Variants in VPS13D observed in about 807,000 individuals in gnomAD.
VPS13D encodes intermembrane lipid transfer protein VPS13D.
VPS13D carries 187 observed loss-of-function variants against 461.9 expected under a neutral mutation model. That is an observed-to-expected ratio of 0.40 (90% CI 0.36 to 0.46). The LOEUF (loss-of-function observed/expected upper bound fraction) is 0.46. Among genes scored for constraint, VPS13D ranks in the 20% least tolerant of loss-of-function variants. The probability of loss-of-function intolerance (pLI) is 0.60; values close to 1 mark genes in which losing one functional copy is unlikely to be tolerated. For missense variants in VPS13D, 4,711 were observed against 5,364.9 expected (o/e 0.88, Z 3.81); for synonymous variants, 1,951 against 1,986.3 (o/e 0.98, Z 0.47).
chr1:12,388,480 A>G (rs1024741867), intron 60 of VPS13D, among the ~76,000 whole-genome samples: 2 of 152,032 alleles, frequency 1.3e-5, no homozygotes, highest in African/African-American at 2.4e-5. Context: ...AGGCTGAGAC[A>G]GGAGAATTGC....
intron 50 of VPS13D, among the ~76,000 whole-genome samples, chr1:12,361,369 ATT>A (rs1172153769): frequency 7.1e-6 from 1 of 141,842 alleles, no homozygotes; most frequent in African/African-American, 2.7e-5. Context: ...TTTTATTTTT[ATT>A]TTTATTTATT....
Position 12,318,237 on chromosome 1 carries a change from T to A in VPS13D, c.7314T>A (p.Ser2438=). ...PSRHRNSSSE[S]AIVPKTVKSG... The stretch of plus-strand genomic sequence containing the variant: ...GCCACCGTAACTCTAGCAGCGAATC[T>A]GCTATAGTTCCCAAAACTGTGAAGA... Residue 2438 remains serine (S), a synonymous_variant, in exon 31 of 70, where the codon TCT becomes TCA. Coordinates refer to ENST00000620676, the MANE Select transcript of VPS13D (RefSeq NM_015378.4). 6.2e-7 allele frequency: 1 copy of A among 1,614,228 alleles called. No individual in the cohort carries two copies. The highest frequency in any genetic ancestry group is 8.5e-7 in the Non-Finnish European group (1 of 1,180,036).
chr1:12,400,630 C>A (rs1438315764), intron 61 of VPS13D, among the ~76,000 whole-genome samples: 2 of 151,998 alleles, frequency 1.3e-5, no homozygotes, highest in African/African-American at 4.8e-5. Context: ...AGGTCAGGAC[C>A]AGGCATGATC....
intron 24 of VPS13D, among the ~76,000 whole-genome samples, chr1:12,297,849 T>G (rs1370669266): frequency 6.6e-6 from 1 of 152,212 alleles, no homozygotes; most frequent in Non-Finnish European, 1.5e-5. Context: ...TGATAATACC[T>G]AATGAGGCGG....
intron 67 of VPS13D, chr1:12,478,610 A>G (rs1570252663): frequency 2.8e-6 from 1 of 353,398 alleles, no homozygotes; most frequent in African/African-American, 2.1e-5. Flanking sequence ...GAGGTCATAA[A>G]GGAAAGCCTG....
At position 12,249,310 on chromosome 1, in the gene VPS13D, G is replaced by A. The variant is rs867317195; in HGVS notation, c.535G>A (p.Val179Met). 3 of 1,613,738 alleles carry A rather than the reference G, an allele frequency of 1.9e-6. No individual in the cohort carries two copies. Among genetic ancestry groups the A allele is most frequent in the Admixed American group, 1.7e-5 (1 of 59,928 alleles). ...TGCTTTTGGCATCTGCATTAAGAAT[G>A]TGTCCATGCAAAATGCTGTGAATGA... ...PFAFGICIKN[V>M]SMQNAVNEPV... The change falls in exon 6 of 70, where the codon GTG becomes ATG. Residue 179 changes from valine to methionine, a missense_variant. Physicochemically the swap from Val to Met is conservative, Grantham distance 21. This residue lies in a region of VPS13D where 4,411 missense variants were observed against 4,937.8 expected (regional missense o/e 0.89). Coordinates refer to ENST00000620676, the MANE Select transcript of VPS13D (RefSeq NM_015378.4).
intron 65 of VPS13D, among the ~76,000 whole-genome samples, chr1:12,451,952 G>A (rs1192928374): frequency 1.3e-5 from 2 of 152,144 alleles, no homozygotes; most frequent in Non-Finnish European, 2.9e-5. Context: ...GGGAATATTT[G>A]TATCCCCATT....
chr1:12,456,408 C>T lies in VPS13D; in HGVS notation c.12466+278C>T, dbSNP rs564006790. ...ATCCCAGCATTTTGGGAGGTCGAGG[C>T]GGGTGGATCATTTGAGGTCAGGAGT... On this transcript the variant is annotated intron_variant, in intron 66 of 69. Coordinates refer to ENST00000620676, the MANE Select transcript of VPS13D (RefSeq NM_015378.4). Among the ~76,000 whole-genome samples the T allele has an allele frequency of 2.6e-5, 4 of 151,632 alleles. No individual in the cohort carries two copies. The East Asian group carries it at 7.8e-4, about 29-fold the overall frequency.
At chr1:12,373,320 C>T (rs1057189410) in intron 54 of VPS13D, among the ~76,000 whole-genome samples, 4 of 151,648 alleles carry the variant, frequency 2.6e-5, no homozygotes, top group South Asian at 2.1e-4. Context: ...GGGATTTTGC[C>T]GTGTTGGTCA....
intron 2 of VPS13D, among the ~76,000 whole-genome samples, chr1:12,240,279 G>A (rs1640302468): frequency 6.6e-6 from 1 of 152,050 alleles, no homozygotes; most frequent in Non-Finnish European, 1.5e-5. Flanking sequence ...CTGCCTTTGT[G>A]ACAGATTTGG....
chr1:12,490,254 ATC>A (rs1645858616), intron 67 of VPS13D, among the ~76,000 whole-genome samples: 1 of 152,108 alleles, frequency 6.6e-6, no homozygotes, highest in Non-Finnish European at 1.5e-5. Context: ...TTAAGAACCA[ATC>A]TCTACTAGCA....
chr1:12,469,193 A>C (rs2100444681), intron 67 of VPS13D, among the ~76,000 whole-genome samples: 1 of 152,334 alleles, frequency 6.6e-6, no homozygotes, highest in South Asian at 2.1e-4. Context: ...GTTCTTTTAG[A>C]ACAGAGGGTC....
chr1:12,416,570 T>C (rs1644797006), intron 64 of VPS13D, 90 bp from the exon 65 acceptor site: 5 of 1,367,754 alleles, frequency 3.7e-6, no homozygotes, highest in African/African-American at 1.5e-5. Flanking sequence ...GAGAACAAAA[T>C]AGATTTCTAA....
intron 57 of VPS13D, among the ~76,000 whole-genome samples, chr1:12,381,950 C>CTTTCTT (rs1644283184): frequency 7.5e-6 from 1 of 134,170 alleles, no homozygotes; most frequent in Non-Finnish European, 1.6e-5. Context: ...TTCTTTCTTT[C>CTTTCTT]TTTCTTTCTT....
At position 12,260,836 on chromosome 1, in the gene VPS13D, A is replaced by T. The variant is rs535567591; in HGVS notation, c.1212+42A>T. ...AAGAGGATTTGTTCAGACCCAGCACACCCTGAGTGCTACAGTTTTGATGTG... is the reference window on the plus strand; with the variant it reads ...AAGAGGATTTGTTCAGACCCAGCACTCCCTGAGTGCTACAGTTTTGATGTG... On this transcript the variant is annotated intron_variant, in intron 11 of 69. Coordinates refer to ENST00000620676, the MANE Select transcript of VPS13D (RefSeq NM_015378.4). The T allele has an allele frequency of 2.5e-6, 4 of 1,600,082 alleles. No individual in the cohort carries two copies. The South Asian group carries it at 4.4e-5, about 18-fold the overall frequency.
chr1:12,450,317 G>A (rs11121911), intron 65 of VPS13D, among the ~76,000 whole-genome samples: 3 of 152,120 alleles, frequency 2.0e-5, no homozygotes, highest in Non-Finnish European at 4.4e-5. Context: ...GCCTTACTTA[G>A]AGGCACAATA....
Position 12,266,977 on chromosome 1 carries a change from G to A in VPS13D, c.1691G>A (p.Gly564Glu), listed in dbSNP as rs764967090. 15 of 1,609,028 alleles carry A rather than the reference G, an allele frequency of 9.3e-6. No individual in the cohort carries two copies. The highest frequency in any genetic ancestry group is 1.1e-5 in the Non-Finnish European group (13 of 1,178,616). Residue 564 changes from glycine to glutamate, a missense_variant, in exon 14 of 70, where the codon GGA becomes GAA. By Grantham distance (98) the Gly-to-Glu change is moderately conservative (BLOSUM62 -2). Transcript: ENST00000620676. ...GLFLRDLATEGTMFPLLVFPN... is the reference protein window; with the variant it reads ...GLFLRDLATEETMFPLLVFPN... ...TTTCTTCGAGACCTGGCTACAGAAG[G>A]AACTATGTTTCCTCTTCTAGTCTTC...
chr1:12,483,902 G>A (rs935309591), intron 67 of VPS13D, among the ~76,000 whole-genome samples: 1 of 152,016 alleles, frequency 6.6e-6, no homozygotes, highest in African/African-American at 2.4e-5. Context: ...GGAGGCTGAG[G>A]CAGGAGAATC....
At chr1:12,309,758 T>C in intron 27 of VPS13D, among the ~76,000 whole-genome samples, 1 of 130,274 alleles carries the variant, frequency 7.7e-6, no homozygotes, top group African/African-American at 3.4e-5. Flanking sequence ...CAAGACTCAG[T>C]CTCAAAAAAA....
Sources: gnomAD v4.1 joint callset for allele counts (sites outside exome capture counted in the v4.1 genomes callset) on GRCh38, gnomAD v4.1.1 for gene constraint, gnomAD v4.1.1 regional missense constraint, MANE v1.5 for transcripts, NCBI Gene and HGNC (gene_info 2026-07-23, HGNC 2026-07-21) for gene names.